The following ACSM2B variants were observed in gnomAD, a reference collection of about 807,000 sequenced individuals.
ACSM2B encodes acyl-CoA synthetase medium chain family member 2B.
In ACSM2B, 58 loss-of-function variants were observed where a neutral mutation model predicts 78.6. The observed-to-expected ratio is 0.74, with a 90% CI of 0.60 to 0.92. The LOEUF is 0.92. ACSM2B is among the 40% of genes least tolerant of loss of function. ACSM2B has a pLI of 0.00. For synonymous variants in ACSM2B, 257 were observed against 256.8 expected, an observed-to-expected ratio of 1.00 and a Z score of -0.01; for missense variants, 688 against 711.2, an observed-to-expected ratio of 0.97 and a Z score of 0.37.
chr16:20,553,419 C>T (rs533181064), intron 5 of ACSM2B, among the ~76,000 whole-genome samples: 1 of 152,300 alleles, frequency 6.6e-6, no homozygotes, highest in South Asian at 2.1e-4. Context: ...TTGCTGCCGA[C>T]AAAAACTGCC....
Position 20,567,785 on chromosome 16 carries a change from A to T in ACSM2B, c.-8-2932T>A, listed in dbSNP as rs1260080912. ...GTATATACAGATATATATAATATAT[A>T]ATATATATGATATATAATAGTATGG... On this transcript the variant is annotated intron_variant, in intron 1 of 13. Transcript: ENST00000329697. Among the ~76,000 whole-genome samples the T allele has an allele frequency of 5.0e-5, 7 of 140,782 alleles. No individual in the cohort carries two copies. The South Asian group carries it at 1.5e-3, about 30-fold the overall frequency. 92.4% of individuals were successfully genotyped at this position (140,782 alleles called of 152,430 possible).
intron 2 of ACSM2B, among the ~76,000 whole-genome samples, chr16:20,560,268 T>G (rs1484311485): frequency 6.6e-6 from 1 of 151,746 alleles, no homozygotes; most frequent in Non-Finnish European, 1.5e-5. Flanking sequence ...ATTTGTCCTC[T>G]CCAAGTCTCA....
intron 2 of ACSM2B, among the ~76,000 whole-genome samples, chr16:20,560,400 C>A (rs1271518330): frequency 1.3e-5 from 2 of 151,876 alleles, no homozygotes; most frequent in African/African-American, 2.4e-5. Flanking sequence ...ATCATAAGAT[C>A]TGGTTGTTTA....
At chr16:20,561,142 A>C (rs2015642016) in intron 2 of ACSM2B, among the ~76,000 whole-genome samples, 1 of 152,150 alleles carries the variant, frequency 6.6e-6, no homozygotes, top group Non-Finnish European at 1.5e-5. Context: ...ACATGCATAA[A>C]CCTTGAAGAC....
At chr16:20,559,114 C>T in intron 3 of ACSM2B, 123 bp downstream of exon 3, 2 of 1,450,388 alleles carry the variant, frequency 1.4e-6, no homozygotes, top group Non-Finnish European at 1.8e-6. Flanking sequence ...AGTCTTTCTT[C>T]ATATGAGAGA....
chr16:20,576,122 C>T (rs1266750504), intron 1 of ACSM2B, 85 bp downstream of exon 1: 1 of 150,704 alleles, frequency 6.6e-6, no homozygotes, highest in East Asian at 2.0e-4. Flanking sequence ...GATTTTTGCT[C>T]TTCTCACCAG....
At position 20,552,229 on chromosome 16, in the gene ACSM2B, A is replaced by G. The variant is rs1187918201; in HGVS notation, c.809T>C (p.Leu270Ser). The G allele has an allele frequency of 6.2e-7, 1 of 1,613,970 alleles. No homozygotes were observed. Among genetic ancestry groups the G allele is most frequent in the South Asian group, 1.1e-5 (1 of 91,064 alleles). ...ISDTGWILNI[L>S]GSLLESWTLG... The stretch of plus-strand genomic sequence containing the variant: ...TGTCCAAGATTCCAAAAGTGAGCCC[A>G]AGATGTTCAGTATCCAACCTGTGTC... The change falls in exon 6 of 14, where the codon TTG becomes TCG. Residue 270 changes from leucine (L) to serine (S), a missense_variant. Leu to Ser is a moderately radical substitution (Grantham distance 145). Transcript: ENST00000329697.
intron 10 of ACSM2B, chr16:20,544,676 G>C: frequency 2.0e-6 from 2 of 984,872 alleles, no homozygotes; most frequent in Non-Finnish European, 2.4e-6. Context: ...CACCTGTCAA[G>C]TGAGGTGGCC....
rs1408319195 is a variant in ACSM2B, at chr16:20,559,926, A to G, written c.178-479T>C. Among the ~76,000 whole-genome samples, 2 of 151,146 alleles carry G rather than the reference A, an allele frequency of 1.3e-5. 1 individual carries two copies. Among genetic ancestry groups the G allele is most frequent in the African/African-American group, 4.9e-5 (2 of 40,498 alleles). ...GAAAATGCTATTGTATACTCTTGAA[A>G]GAATTAGAATAAAAAGGCAAATATC... On this transcript the variant is annotated intron_variant, in intron 2 of 13. Transcript: ENST00000329697.
rs1439939158 is a variant in ACSM2B at position 20,543,157 on chromosome 16, C to T, written c.1387G>A (p.Asp463Asn). 1.8e-5 allele frequency: 29 copies of T among 1,613,872 alleles called. No homozygotes were observed. The highest frequency in any genetic ancestry group is 8.8e-5 in the South Asian group (8 of 91,070). Residue 463 changes from aspartate to asparagine, a missense_variant, in exon 11 of 14, where the codon GAT becomes AAT. Physicochemically the swap from Asp to Asn is conservative, Grantham distance 23. Coordinates refer to ENST00000329697, the MANE Select transcript of ACSM2B (RefSeq NM_001105069.2). ...DGYFQFMGRA[D>N]DIINSSGYRI... ...CACCCGCTGGAGTTAATGATATCATCTGCCCGTCCCATAAACTGGAAATAC... is the reference window on the plus strand; with the variant it reads ...CACCCGCTGGAGTTAATGATATCATTTGCCCGTCCCATAAACTGGAAATAC...
At chr16:20,573,992 C>A (rs567358991) in intron 1 of ACSM2B, 146 of 150,096 alleles carry the variant, frequency 9.7e-4, no homozygotes, top group African/African-American at 3.3e-3. Flanking sequence ...AGAATTTACC[C>A]GGCTGGAATT....
intron 6 of ACSM2B, chr16:20,549,836 T>G (rs576834243): frequency 2.2e-6 from 1 of 449,094 alleles, no homozygotes; most frequent in East Asian, 7.2e-5. Context: ...TAGGTAGATT[T>G]AAATTTTTTC....
rs1443103838 is a variant in ACSM2B at position 20,536,408 on chromosome 16, C to T, written c.*850G>A. On this transcript the variant is annotated 3_prime_UTR_variant, in exon 14 of 14. Transcript: ENST00000329697. ...CTGTAGATGCCACACACAGGTGAAA[C>T]AATGTGGTATTTATAATGTGTCTGG... 1.3e-5 allele frequency: 2 copies of T among 152,088 alleles called. No homozygotes were observed. Among genetic ancestry groups the T allele is most frequent in the African/African-American group, 4.8e-5 (2 of 41,400 alleles). 9.4% of individuals were successfully genotyped at this position (152,088 alleles called of 1,614,324 possible).
At chr16:20,545,952 G>T (rs1328148025) in intron 9 of ACSM2B, among the ~76,000 whole-genome samples, 1 of 152,074 alleles carries the variant, frequency 6.6e-6, no homozygotes, top group Non-Finnish European at 1.5e-5. Flanking sequence ...TCATCCCTTG[G>T]TCCGATAAAA....
rs2015195336 is a variant in ACSM2B at position 20,548,107 on chromosome 16, G to A, written c.1053C>T (p.Ala351=). 6.2e-7 allele frequency: 1 copy of A among 1,614,020 alleles called. No individual in the cohort carries two copies. The highest frequency in any genetic ancestry group is 2.2e-5 in the East Asian group (1 of 44,876). Residue 351 remains alanine (A), a synonymous_variant, in exon 8 of 14, where the codon GCC becomes GCT. Transcript: ENST00000329697. ...LLPETLENWR[A]QTGLDIREFY... is the part of the protein sequence containing the mutation. ...ATTCTCGGATGTCCAGTCCTGTCTG[G>A]GCCCTCCAGTTCTCCAGAGTTTCTG... is the stretch of plus-strand genomic sequence containing the variant.
At chr16:20,551,194 C>T (rs1488939072) in intron 6 of ACSM2B, among the ~76,000 whole-genome samples, 2 of 152,120 alleles carry the variant, frequency 1.3e-5, no homozygotes, top group South Asian at 4.1e-4. Context: ...GGGGCAGATA[C>T]TGTCAGAGAA....
intron 1 of ACSM2B, among the ~76,000 whole-genome samples, chr16:20,566,708 A>ATATACT (rs1567218462): frequency 1.6e-4 from 6 of 36,932 alleles, no homozygotes; most frequent in Non-Finnish European, 2.0e-4. Flanking sequence ...GTATATATAT[A>ATATACT]GTATATATAG....
intron 8 of ACSM2B, chr16:20,547,242 A>C (rs1300506332): frequency 1.0e-6 from 1 of 985,704 alleles, no homozygotes; most frequent in African/African-American, 1.7e-5. Context: ...GCATATTCTA[A>C]ACATGTCCTC....
At position 20,575,304 on chromosome 16, in the gene ACSM2B, C is replaced by G. The variant is rs1596745965; in HGVS notation, c.-9+903G>C. 2.6e-5 allele frequency: 4 copies of G among 151,624 alleles called. No individual in the cohort carries two copies. The South Asian group carries it at 8.3e-4, about 32-fold the overall frequency. The allele number at this position is 151,624 out of a possible 1,614,324, so 9.4% of individuals were successfully genotyped here. ...TATAAACTCATATGTATAAGTAATA[C>G]ATATAAACTCATATATATAAGTATA... On this transcript the variant is annotated intron_variant, in intron 1 of 13. Transcript: ENST00000329697.
Sources: gnomAD v4.1 joint callset for allele counts (sites outside exome capture counted in the v4.1 genomes callset) on GRCh38, gnomAD v4.1.1 for gene constraint, MANE v1.5 for transcripts, NCBI Gene and HGNC (gene_info 2026-07-23, HGNC 2026-07-21) for gene names.